LITAF: variants seen among roughly 807,000 people sequenced by gnomAD.
LITAF encodes lipopolysaccharide-induced tumor necrosis factor-alpha factor.
In LITAF, 9 loss-of-function variants were observed where a neutral mutation model predicts 14.5. The ratio of observed to expected loss-of-function variants is 0.62; its 90% CI spans 0.37 to 1.08. The LOEUF (loss-of-function observed/expected upper bound fraction) is 1.08, where lower values mean the gene tolerates loss of function less well. LITAF is among the 50% of genes least tolerant of loss of function. The pLI, the probability that LITAF is intolerant of heterozygous loss-of-function variation, is 0.01. For synonymous variants in LITAF, 98 were observed against 88.2 expected, an observed-to-expected ratio of 1.11 and a Z score of -0.62; for missense variants, 206 against 213.4, an observed-to-expected ratio of 0.97 and a Z score of 0.22.
intron 3 of LITAF, among the ~76,000 whole-genome samples, chr16:11,615,047 C>T (rs1017841788): frequency 5.3e-5 from 8 of 152,174 alleles, no homozygotes; most frequent in Admixed American, 2.0e-4. Flanking sequence ...GGTGGATGAC[C>T]AGTCGGTACA....
chr16:11,596,722 G>A (rs1265937853), intron 1 of LITAF, among the ~76,000 whole-genome samples: 9 of 100,938 alleles, frequency 8.9e-5, no homozygotes, highest in African/African-American at 1.2e-4. Flanking sequence ...AGGGGGGAGC[G>A]TGAGAGTGAA....
At chr16:11,629,867 C>T (rs1221462978) in intron 3 of LITAF, among the ~76,000 whole-genome samples, 1 of 152,194 alleles carries the variant, frequency 6.6e-6, no homozygotes, top group Non-Finnish European at 1.5e-5. Flanking sequence ...GCTCTTCCCC[C>T]CACAGCCTGG....
intron 1 of LITAF, among the ~76,000 whole-genome samples, chr16:11,595,064 C>T (rs1287663265): frequency 1.3e-5 from 2 of 152,154 alleles, no homozygotes; most frequent in Non-Finnish European, 2.9e-5. Context: ...AAAACAGGAA[C>T]CCAGTTGCCA....
intron 1 of LITAF, among the ~76,000 whole-genome samples, chr16:11,576,412 T>G (rs1421050305): frequency 6.6e-6 from 1 of 151,704 alleles, no homozygotes; most frequent in Non-Finnish European, 1.5e-5. Flanking sequence ...GAGGTTGCAG[T>G]GAGCTGAGAT....
chr16:11,607,529 T>C (rs1177119394), intron 3 of LITAF, among the ~76,000 whole-genome samples: 1 of 151,888 alleles, frequency 6.6e-6, no homozygotes. Context: ...TGTGCTTTAA[T>C]ATGGGTATCA....
At chr16:11,582,200 CATAA>C (rs2064748182) in intron 1 of LITAF, among the ~76,000 whole-genome samples, 1 of 151,264 alleles carries the variant, frequency 6.6e-6, no homozygotes, top group African/African-American at 2.4e-5. Flanking sequence ...CTCTTTATCC[CATAA>C]ATGTGTATGA....
chr16:11,553,593 T>C lies in LITAF; in HGVS notation c.317A>G (p.Gln106Arg), dbSNP rs765304569. 1.2e-6 allele frequency: 2 copies of C among 1,614,160 alleles called. No individual in the cohort carries two copies. Among genetic ancestry groups the C allele is most frequent in the Non-Finnish European group, 1.7e-6 (2 of 1,180,032 alleles). Residue 106 changes from glutamine (Q) to arginine (R), a missense_variant, in exon 3 of 4, where the codon CAG becomes CGG. By Grantham distance (43) the Gln-to-Arg change is conservative (BLOSUM62 1). Coordinates refer to ENST00000622633, the MANE Select transcript of LITAF (RefSeq NM_001136472.2). The surrounding 1 kb of genome is among the most constrained non-coding windows in gnomAD (Gnocchi z 7.7). The stretch of plus-strand genomic sequence containing the variant: ...CAGAGCACCGGCGTTATAGGACAGC[T>C]GACTCACGATCATCTTGTTGCAGGA... ...CPSCNKMIVSQLSYNAGALTW... is the reference protein window; with the variant it reads ...CPSCNKMIVSRLSYNAGALTW...
intron 1 of LITAF, among the ~76,000 whole-genome samples, chr16:11,569,898 G>A (rs572883463): frequency 1.3e-5 from 2 of 152,264 alleles, no homozygotes; most frequent in African/African-American, 2.4e-5. Context: ...GCCAGGTGTG[G>A]TGGTGCTTGA....
Position 11,549,785 on chromosome 16 carries a change from A to T in LITAF, c.378-40T>A. The T allele has an allele frequency of 6.6e-7, 1 of 1,508,320 alleles. No individual in the cohort carries two copies. Among genetic ancestry groups the T allele is most frequent in the South Asian group, 1.2e-5 (1 of 86,218 alleles). 93.4% of individuals were successfully genotyped at this position (1,508,320 alleles called of 1,614,324 possible). A position where few individuals can be genotyped will look rare whatever the true frequency, so the allele number is the denominator to read the frequency against. ...AGACACACGGAGCGCGTTACTGATCACAACAGGGTGAACACTGGCTGCCAA... is the reference window on the plus strand; with the variant it reads ...AGACACACGGAGCGCGTTACTGATCTCAACAGGGTGAACACTGGCTGCCAA... On this transcript the variant is annotated intron_variant, in intron 3 of 3. Coordinates refer to ENST00000622633, the MANE Select transcript of LITAF (RefSeq NM_001136472.2). This position sits in a 1 kb window ranked among gnomAD's most constrained non-coding sequence, Gnocchi z 4.6.
intron 3 of LITAF, among the ~76,000 whole-genome samples, chr16:11,618,467 G>C (rs963475689): frequency 6.6e-6 from 1 of 152,208 alleles, no homozygotes; most frequent in Non-Finnish European, 1.5e-5. Context: ...ACTAACTGTG[G>C]GCAGCTTCTG....
chr16:11,550,039 G>A lies in LITAF; in HGVS notation c.378-294C>T, dbSNP rs1419698361. Reference sequence around the variant, plus strand: ...AGGACACCTGGACCTACTAGAAGCTGGAGGAGGCAAAAAATGATTCTCCCT... The same window carrying A: ...AGGACACCTGGACCTACTAGAAGCTAGAGGAGGCAAAAAATGATTCTCCCT... On this transcript the variant is annotated intron_variant, in intron 3 of 3. Transcript: ENST00000622633. Among the ~76,000 whole-genome samples the A allele has an allele frequency of 2.0e-5, 3 of 152,174 alleles. No individual in the cohort carries two copies. In the East Asian group the frequency reaches 5.8e-4, roughly 29 times the overall value.
chr16:11,626,867 A>G lies in LITAF; in HGVS notation c.85+6666T>C, dbSNP rs2065087064. Among the ~76,000 whole-genome samples the G allele has an allele frequency of 2.6e-5, 4 of 151,300 alleles. No individual in the cohort carries two copies. The South Asian group carries it at 8.3e-4, about 32-fold the overall frequency. On this transcript the variant is annotated intron_variant, in intron 3 of 3. Coordinates refer to the LITAF transcript ENST00000574848. ...TCTTCTTTTTTTTGTTTTTTTTTGAAATGGAGTCTCTGTCGCTCAGGATGG... is the reference window on the plus strand; with the variant it reads ...TCTTCTTTTTTTTGTTTTTTTTTGAGATGGAGTCTCTGTCGCTCAGGATGG...
At chr16:11,629,790 A>G (rs2065106904) in intron 3 of LITAF, among the ~76,000 whole-genome samples, 1 of 152,138 alleles carries the variant, frequency 6.6e-6, no homozygotes, top group African/African-American at 2.4e-5. Flanking sequence ...TCAAGTCTCC[A>G]GCGTGGAGCT....
chr16:11,630,521 C>T (rs1177642546), intron 3 of LITAF, among the ~76,000 whole-genome samples: 1 of 151,534 alleles, frequency 6.6e-6, no homozygotes, highest in Admixed American at 6.6e-5. Flanking sequence ...TGCTCCACAG[C>T]TTCAGGTCTC....
intron 1 of LITAF, among the ~76,000 whole-genome samples, chr16:11,595,596 G>T (rs369677443): frequency 2.5e-4 from 38 of 152,180 alleles, no homozygotes; most frequent in African/African-American, 8.7e-4. Context: ...GGGCATGGTC[G>T]GGGACTCCTG....
chr16:11,574,814 C>G (rs566284892), intron 1 of LITAF, among the ~76,000 whole-genome samples: 2 of 151,044 alleles, frequency 1.3e-5, no homozygotes, highest in South Asian at 2.1e-4. Context: ...TTTTTTTTCT[C>G]TTTTTTGAGA....
intron 1 of LITAF, among the ~76,000 whole-genome samples, chr16:11,560,740 G>T (rs1298112137): frequency 6.6e-6 from 1 of 152,196 alleles, no homozygotes; most frequent in Non-Finnish European, 1.5e-5. Flanking sequence ...GAGACAGAAG[G>T]TCTTTAAGAG....
intron 1 of LITAF, among the ~76,000 whole-genome samples, chr16:11,571,656 C>T (rs1234559388): frequency 6.6e-6 from 1 of 152,198 alleles, no homozygotes; most frequent in Admixed American, 6.5e-5. Context: ...AAGCAGCCCT[C>T]CTCCTCTGGT....
In LITAF at chr16:11,551,770, T is replaced by C. The variant is rs61617938; in HGVS notation, c.377+1763A>G. The C allele has an allele frequency of 0.02, 13,687 of 685,142 alleles. 641 individuals carry two copies. The highest frequency in any genetic ancestry group is 0.14 in the African/African-American group (8,002 of 55,784). 42.4% of individuals were successfully genotyped at this position (685,142 alleles called of 1,614,324 possible). ...TTGCAGGAGCCCAGGAGATCAAAGC[T>C]GCGGAGAGCTACGATCGTACCACTG... On this transcript the variant is annotated intron_variant, in intron 3 of 3. Coordinates refer to ENST00000622633, the MANE Select transcript of LITAF (RefSeq NM_001136472.2).
Sources: gnomAD v4.1 joint callset for allele counts (sites outside exome capture counted in the v4.1 genomes callset) on GRCh38, gnomAD v4.1.1 for gene constraint, Gnocchi (gnomAD v3.1) non-coding constraint, MANE v1.5 for transcripts, NCBI Gene and HGNC (gene_info 2026-07-23, HGNC 2026-07-21) for gene names.